MSI2: variants seen among roughly 807,000 people sequenced by gnomAD.
MSI2 encodes the protein musashi RNA binding protein 2.
Under a neutral mutation model 45.6 loss-of-function variants are expected in MSI2, and 17 were observed. The ratio of observed to expected loss-of-function variants is 0.37; its 90% CI spans 0.26 to 0.56. The LOEUF (loss-of-function observed/expected upper bound fraction) is 0.56. Ranked by LOEUF, MSI2 falls within the 20% of genes least tolerant of loss-of-function variation. MSI2 has a pLI of 0.77. For synonymous variants in MSI2, 156 were observed against 158.2 expected, an observed-to-expected ratio of 0.99 and a Z score of 0.11; for missense variants, 293 against 444.2, an observed-to-expected ratio of 0.66 and a Z score of 3.06.
At chr17:57,639,850 C>T (rs1717747234) in intron 10 of MSI2, among the ~76,000 whole-genome samples, 1 of 152,172 alleles carries the variant, frequency 6.6e-6, no homozygotes, top group Non-Finnish European at 1.5e-5. Context: ...GAGCACCTCT[C>T]CCCATCCCCC....
At chr17:57,615,230 T>A (rs1907569955) in intron 8 of MSI2, among the ~76,000 whole-genome samples, 1 of 150,584 alleles carries the variant, frequency 6.6e-6, no homozygotes, top group Non-Finnish European at 1.5e-5. Context: ...CAGACTCAGG[T>A]GATCCCCCTA....
intron 5 of MSI2, among the ~76,000 whole-genome samples, chr17:57,367,831 T>C (rs564389162): frequency 1.3e-5 from 2 of 152,282 alleles, no homozygotes; most frequent in South Asian, 4.1e-4. Flanking sequence ...AGAGGTACCA[T>C]GCTGCCACCA....
At chr17:57,607,900 A>G (rs1906805231) in intron 8 of MSI2, among the ~76,000 whole-genome samples, 1 of 152,180 alleles carries the variant, frequency 6.6e-6, no homozygotes, top group South Asian at 2.1e-4. Context: ...ACTCCGAGTA[A>G]GAGCTCACTC....
chr17:57,332,822 AAG>A (rs1228609943), intron 5 of MSI2, among the ~76,000 whole-genome samples: 1 of 152,162 alleles, frequency 6.6e-6, no homozygotes, highest in African/African-American at 2.4e-5. Flanking sequence ...TCAAGAGATC[AAG>A]ACCATCCTAG....
chr17:57,671,122 G>A (rs1378995795), intron 11 of MSI2, among the ~76,000 whole-genome samples: 1 of 152,074 alleles, frequency 6.6e-6, no homozygotes, highest in Admixed American at 6.5e-5. Flanking sequence ...GTGAGGATGA[G>A]GGGCAAAGAG....
intron 5 of MSI2, among the ~76,000 whole-genome samples, chr17:57,376,945 G>A (rs763991826): frequency 1.4e-5 from 2 of 146,318 alleles, no homozygotes; most frequent in Non-Finnish European, 3.0e-5. Flanking sequence ...TTTTGAGACG[G>A]AGTCTCGCTC....
chr17:57,578,618 T>TG (rs1054825918), intron 7 of MSI2, among the ~76,000 whole-genome samples: 1 of 152,064 alleles, frequency 6.6e-6, no homozygotes, highest in Non-Finnish European at 1.5e-5. Context: ...GACAAATACT[T>TG]GCTTCTAGCA....
At chr17:57,614,217 A>AT (rs900276990) in intron 8 of MSI2, among the ~76,000 whole-genome samples, 6 of 151,918 alleles carry the variant, frequency 3.9e-5, no homozygotes, top group South Asian at 2.1e-4. Context: ...CACCTGGCTA[A>AT]TTTTTTTGTA....
chr17:57,523,173 G>T (rs533484164), intron 6 of MSI2, among the ~76,000 whole-genome samples: 38 of 151,538 alleles, frequency 2.5e-4, no homozygotes, highest in Non-Finnish European at 5.2e-4. Context: ...TCAGCCTCCC[G>T]CGCAGCTGGG....
chr17:57,652,310 C>G lies in MSI2; in HGVS notation c.790+149C>G, dbSNP rs553571115. 2 of 773,642 alleles carry G rather than the reference C, an allele frequency of 2.6e-6. No homozygotes were observed. Among genetic ancestry groups the G allele is most frequent in the East Asian group, 5.5e-5 (2 of 36,414 alleles). The allele number at this position is 773,642 out of a possible 1,614,324, so 47.9% of individuals were successfully genotyped here. A position where few individuals can be genotyped will look rare whatever the true frequency, so the allele number is the denominator to read the frequency against. ...GGGGGTGGACGGGGAGGGGGTGGACCGGGAGGCGCGGGCAAGGCCTGGCCA... is the reference window on the plus strand; with the variant it reads ...GGGGGTGGACGGGGAGGGGGTGGACGGGGAGGCGCGGGCAAGGCCTGGCCA... On this transcript the variant is annotated intron_variant, in intron 11 of 13. Transcript: ENST00000284073. This position sits in a 1 kb window ranked among gnomAD's most constrained non-coding sequence, Gnocchi z 4.1.
intron 5 of MSI2, among the ~76,000 whole-genome samples, chr17:57,304,397 T>C (rs1170384525): frequency 1.3e-5 from 2 of 149,876 alleles, no homozygotes; most frequent in Admixed American, 6.6e-5. Flanking sequence ...AGAAACCCAT[T>C]GACTATCAGG....
chr17:57,668,746 A>G (rs138990415), intron 11 of MSI2, among the ~76,000 whole-genome samples: 67 of 152,352 alleles, frequency 4.4e-4, no homozygotes, highest in African/African-American at 1.5e-3. Context: ...GTATATGCAG[A>G]CAGTGAAAAA....
In MSI2 at chr17:57,294,333, G is replaced by A. The variant is rs112570313; in HGVS notation, c.312+32141G>A. Among the ~76,000 whole-genome samples the A allele has an allele frequency of 8.0e-4, 122 of 152,190 alleles. 2 individuals carry two copies. Among genetic ancestry groups the A allele is most frequent in the African/African-American group, 2.9e-3 (122 of 41,508 alleles). On this transcript the variant is annotated intron_variant, in intron 5 of 13. Coordinates refer to ENST00000284073, the MANE Select transcript of MSI2 (RefSeq NM_138962.4). ...CATCTGGCTTTCATTTTTAAGTGCC[G>A]GCAGGTGCAGGGGCAGGCATATCTC...
At chr17:57,409,507 G>A (rs1455460924) in intron 6 of MSI2, among the ~76,000 whole-genome samples, 1 of 152,194 alleles carries the variant, frequency 6.6e-6, no homozygotes. Context: ...TCCATTTTGT[G>A]TTGTCTTCCT....
intron 12 of MSI2, among the ~76,000 whole-genome samples, chr17:57,676,738 G>A (rs564629493): frequency 7.2e-5 from 11 of 152,282 alleles, no homozygotes; most frequent in South Asian, 4.1e-4. Context: ...ATCCACCCAC[G>A]CCTCTGAATC....
chr17:57,664,509 C>T (rs878994566), intron 11 of MSI2, among the ~76,000 whole-genome samples: 1 of 151,722 alleles, frequency 6.6e-6, no homozygotes, highest in Non-Finnish European at 1.5e-5. Context: ...CATAGCAAGA[C>T]TCCCTCTCAA....
At chr17:57,554,245 G>A (rs887431965) in intron 7 of MSI2, among the ~76,000 whole-genome samples, 3 of 151,888 alleles carry the variant, frequency 2.0e-5, no homozygotes, top group Non-Finnish European at 4.4e-5. Flanking sequence ...GGGAGGGGGG[G>A]GATGGTTCTT....
chr17:57,287,791 T>A (rs1463173760), intron 5 of MSI2, among the ~76,000 whole-genome samples: 1 of 152,210 alleles, frequency 6.6e-6, no homozygotes, highest in Non-Finnish European at 1.5e-5. Flanking sequence ...CGGTTATGAA[T>A]GAAATCAGAG....
At position 57,325,330 on chromosome 17, in the gene MSI2, A is replaced by T. The variant is rs561837116; in HGVS notation, c.312+63138A>T. On this transcript the variant is annotated intron_variant, in intron 5 of 13. Transcript: ENST00000284073. ...AGGAAAGTGGGGGAGGGTGAAGGAT[A>T]AAAAAACTACATATTGGATGCAATA... is the stretch of plus-strand genomic sequence containing the variant. Among the ~76,000 whole-genome samples, 149 of 152,328 alleles carry T rather than the reference A, an allele frequency of 9.8e-4. 1 individual carries two copies. Among genetic ancestry groups the T allele is most frequent in the African/African-American group, 3.5e-3 (145 of 41,570 alleles).
Sources: gnomAD v4.1 joint callset for allele counts (sites outside exome capture counted in the v4.1 genomes callset) on GRCh38, gnomAD v4.1.1 for gene constraint, Gnocchi (gnomAD v3.1) non-coding constraint, MANE v1.5 for transcripts, NCBI Gene and HGNC (gene_info 2026-07-23, HGNC 2026-07-21) for gene names.